The following ZNF512 variants were observed in gnomAD, a reference collection of about 807,000 sequenced individuals.
ZNF512 encodes the protein zinc finger protein 512.
In ZNF512, 25 loss-of-function variants were observed where a neutral mutation model predicts 77.5. The observed-to-expected ratio is 0.32, with a 90% CI of 0.23 to 0.45. The LOEUF is 0.45. Ranked by LOEUF, ZNF512 falls within the 20% of genes least tolerant of loss-of-function variation. The pLI, the probability that ZNF512 is intolerant of heterozygous loss-of-function variation, is 1.00. For synonymous variants in ZNF512, 246 were observed against 239.9 expected (o/e 1.03, Z -0.24); for missense variants, 483 against 692.6 (o/e 0.70, Z 3.40).
At chr2:27,609,396 C>A (rs1029273634) in intron 10 of ZNF512, among the ~76,000 whole-genome samples, 1 of 152,104 alleles carries the variant, frequency 6.6e-6, no homozygotes, top group African/African-American at 2.4e-5. Context: ...ATATTACAGT[C>A]AGGTTTCAGT....
chr2:27,587,318 C>A (rs1378453856), intron 2 of ZNF512, among the ~76,000 whole-genome samples: 2 of 150,050 alleles, frequency 1.3e-5, no homozygotes, highest in Non-Finnish European at 3.0e-5. Context: ...CCTCTGTCAC[C>A]CAGGCTGGAG....
Position 27,602,533 on chromosome 2 carries a change from G to C in ZNF512, c.740G>C (p.Arg247Thr), listed in dbSNP as rs766677929. 1 of 1,613,596 alleles carries C rather than the reference G, an allele frequency of 6.2e-7. No individual in the cohort carries two copies. Among genetic ancestry groups the C allele is most frequent in the East Asian group, 2.2e-5 (1 of 44,860 alleles). Residue 247 changes from arginine to threonine, a missense_variant, in exon 8 of 14, where the codon AGA becomes ACA. Physicochemically the swap from Arg to Thr is moderately conservative, Grantham distance 71 (BLOSUM62 -1). This residue lies in a region of ZNF512 where 324 missense variants were observed against 525.0 expected (regional missense o/e 0.62). Transcript: ENST00000355467. ...ERERLRTVLK[R>T]LGKLRCMRES... Reference sequence around the variant, plus strand: ...GAAAGGCTCCGAACAGTTCTAAAGAGACTGGGAAAGCTCAGGTGCATGCGT... The same window carrying C: ...GAAAGGCTCCGAACAGTTCTAAAGACACTGGGAAAGCTCAGGTGCATGCGT...
chr2:27,609,375 T>C (rs1672510432), intron 10 of ZNF512, among the ~76,000 whole-genome samples: 1 of 152,322 alleles, frequency 6.6e-6, no homozygotes. Flanking sequence ...CACAGTGATA[T>C]TTATCTCATG....
intron 13 of ZNF512, among the ~76,000 whole-genome samples, chr2:27,620,088 T>C (rs906434936): frequency 3.3e-5 from 5 of 152,128 alleles, no homozygotes; most frequent in African/African-American, 1.2e-4. Context: ...TAATTTAAAA[T>C]TTTCTAGTAG....
Position 27,614,806 on chromosome 2 carries a change from CTT to C in ZNF512, c.1132-353_1132-352del, listed in dbSNP as rs77201872. ...CACGAATGCGAATTTGTATCCCTCT[CTT>C]TTTTTTTTAAATTTATTTTTTTCTT... On this transcript the variant is annotated intron_variant, in intron 10 of 13. Transcript: ENST00000355467. Among the ~76,000 whole-genome samples, 8 of 149,748 alleles carry C rather than the reference CTT, an allele frequency of 5.3e-5. No individual in the cohort carries two copies. The East Asian group carries it at 1.6e-3, about 29-fold the overall frequency.
intron 9 of ZNF512, 76 bp downstream of exon 9, chr2:27,603,383 A>T: frequency 6.7e-7 from 1 of 1,487,020 alleles, no homozygotes; most frequent in Non-Finnish European, 9.2e-7. Context: ...ATCTTCCCAT[A>T]TGTGTTTGGT....
chr2:27,601,421 C>T lies in ZNF512; in HGVS notation c.648C>T (p.Val216=), dbSNP rs149758602. Residue 216 remains valine, a synonymous_variant, in exon 7 of 14, where the codon GTC becomes GTT. Coordinates refer to ENST00000355467, the MANE Select transcript of ZNF512 (RefSeq NM_032434.4). ...CACTGGCAGGGATGAAGTATCATGT[C>T]ATGGCAAATCATAATAGTTTGGTAA... is the stretch of plus-strand genomic sequence containing the variant. ...LRSLAGMKYH[V]MANHNSLPIL... The T allele has an allele frequency of 6.2e-7, 1 of 1,613,504 alleles. No individual in the cohort carries two copies. The highest frequency in any genetic ancestry group is 1.3e-5 in the African/African-American group (1 of 74,858).
intron 10 of ZNF512, among the ~76,000 whole-genome samples, chr2:27,610,950 T>C (rs1483546280): frequency 1.3e-5 from 2 of 152,102 alleles, no homozygotes; most frequent in Non-Finnish European, 2.9e-5. Context: ...TTTGAGTAGA[T>C]AACATATTCT....
At chr2:27,610,363 CAA>C (rs1196304579) in intron 10 of ZNF512, among the ~76,000 whole-genome samples, 7 of 103,044 alleles carry the variant, frequency 6.8e-5, no homozygotes, top group South Asian at 3.1e-4. Flanking sequence ...GACTCCGTAT[CAA>C]AAAAAAAAAA....
At chr2:27,615,126 G>C in intron 10 of ZNF512, 42 bp from the exon 11 acceptor site, 1 of 1,261,890 alleles carries the variant, frequency 7.9e-7, no homozygotes, top group Non-Finnish European at 1.1e-6. Context: ...TTTTGGTTGG[G>C]AGTTGTATTT....
intron 6 of ZNF512, 87 bp downstream of exon 6, chr2:27,600,902 A>G (rs937996445): frequency 4.0e-6 from 6 of 1,487,214 alleles, no homozygotes; most frequent in Admixed American, 2.2e-5. Flanking sequence ...GCTGGTTATA[A>G]TGGATGAAAA....
intron 5 of ZNF512, 132 bp downstream of exon 5, chr2:27,600,185 TCAGA>T: frequency 1.0e-6 from 1 of 999,600 alleles, no homozygotes; most frequent in South Asian, 1.5e-5. Flanking sequence ...TAGTTTGGAG[TCAGA>T]CAGACCTTTG....
chr2:27,598,287 G>T, intron 3 of ZNF512, 33 bp downstream of exon 3: 1 of 1,574,384 alleles, frequency 6.4e-7, no homozygotes, highest in Non-Finnish European at 8.6e-7. Flanking sequence ...CTGAAGACGG[G>T]CCACTTCCTA....
At chr2:27,607,084 G>A (rs906805782) in intron 9 of ZNF512, among the ~76,000 whole-genome samples, 1 of 151,892 alleles carries the variant, frequency 6.6e-6, no homozygotes, top group Admixed American at 6.6e-5. Context: ...AAAGTCAACT[G>A]ATTATAGACT....
rs1466984013 is a variant in ZNF512, at chr2:27,609,645, G to A, written c.1131+1606G>A. Among the ~76,000 whole-genome samples the A allele has an allele frequency of 3.9e-5, 6 of 152,294 alleles. No individual in the cohort carries two copies. The East Asian group carries it at 7.7e-4, about 20-fold the overall frequency. On this transcript the variant is annotated intron_variant, in intron 10 of 13. Coordinates refer to ENST00000355467, the MANE Select transcript of ZNF512 (RefSeq NM_032434.4). ...GCAATTTAGGAGGCCGTGGTGGGCC[G>A]ATCATCTGAGGTCAGCAGTTTGAGA...
intron 2 of ZNF512, among the ~76,000 whole-genome samples, chr2:27,586,214 T>TTTGTTGTTGTTGTTGTTGTTG (rs70953868): frequency 6.7e-6 from 1 of 149,444 alleles, no homozygotes; most frequent in African/African-American, 2.5e-5. Context: ...CCATCAAGTC[T>TTTGTTGTTGTTGTTGTTGTTG]TTGTTGTTGT....
chr2:27,610,569 T>TA (rs70953871), intron 10 of ZNF512, among the ~76,000 whole-genome samples: 1,396 of 15,266 alleles, frequency 0.091, 74 homozygotes, highest in East Asian at 0.13. Flanking sequence ...TATATATATA[T>TA]TTTTTTTTTT....
At chr2:27,610,573 T>A (rs1263069962) in intron 10 of ZNF512, among the ~76,000 whole-genome samples, 1,408 of 44,608 alleles carry the variant, frequency 0.032, 67 homozygotes, top group African/African-American at 0.046. Flanking sequence ...TATATATTTT[T>A]TTTTTTTTTT....
At chr2:27,611,273 T>G (rs1172922571) in intron 10 of ZNF512, among the ~76,000 whole-genome samples, 1 of 152,200 alleles carries the variant, frequency 6.6e-6, no homozygotes, top group Non-Finnish European at 1.5e-5. Context: ...GGCTCCTTAG[T>G]CTCTTCCAAT....
Sources: allele counts gnomAD v4.1 joint callset (sites outside exome capture counted in the v4.1 genomes callset), GRCh38; gene constraint gnomAD v4.1.1; regional missense constraint gnomAD v4.1.1; transcripts MANE v1.5; gene names NCBI Gene and HGNC (gene_info 2026-07-23, HGNC 2026-07-21).